The following KANK1 variants were observed in gnomAD, a reference collection of about 807,000 sequenced individuals.
KANK1 encodes the protein KN motif and ankyrin repeat domains 1.
KANK1 carries 109 observed loss-of-function variants against 106.2 expected under a neutral mutation model. The ratio of observed to expected loss-of-function variants is 1.03; its 90% CI spans 0.88 to 1.20. KANK1 has a LOEUF of 1.20. Among genes scored for constraint, KANK1 ranks in the 50% most tolerant of loss-of-function variants. KANK1 has a pLI of 0.00. For synonymous variants in KANK1, 873 were observed against 652.2 expected (o/e 1.34, Z -5.16); for missense variants, 2,399 against 1,710.7 (o/e 1.40, Z -7.10).
intron 1 of KANK1, among the ~76,000 whole-genome samples, chr9:572,458 A>G (rs573279990): frequency 6.8e-4 from 104 of 152,250 alleles, no homozygotes; most frequent in African/African-American, 2.2e-3. Flanking sequence ...AAGCTGAGAC[A>G]GGAGACTGGC....
intron 2 of KANK1, among the ~76,000 whole-genome samples, chr9:704,994 A>T (rs1341948551): frequency 1.3e-4 from 2 of 15,358 alleles, no homozygotes; most frequent in East Asian, 2.0e-3. Context: ...CCCTGTCTCA[A>T]AAAAAAAAAA....
intron 2 of KANK1, among the ~76,000 whole-genome samples, chr9:689,357 C>T (rs990019656): frequency 6.6e-6 from 1 of 152,278 alleles, no homozygotes; most frequent in East Asian, 1.9e-4. Context: ...ATAGCATCGT[C>T]TTCCTAAAGT....
intron 2 of KANK1, chr9:707,231 G>C (rs890685249): frequency 5.1e-6 from 5 of 986,202 alleles, no homozygotes; most frequent in Non-Finnish European, 6.0e-6. Flanking sequence ...GGCGGGGAGC[G>C]CGGCGGGCGC....
chr9:563,927 T>C (rs1817140548), intron 1 of KANK1, among the ~76,000 whole-genome samples: 1 of 152,124 alleles, frequency 6.6e-6, no homozygotes, highest in Non-Finnish European at 1.5e-5. Context: ...CACTGGTGCT[T>C]TTTTTCTTTC....
intron 1 of KANK1, among the ~76,000 whole-genome samples, chr9:602,986 A>G (rs1532310): frequency 0.35 from 53,703 of 151,726 alleles, 11,728 homozygotes; most frequent in South Asian, 0.55. Flanking sequence ...AATCATATTT[A>G]TCCACAGTGA....
intron 3 of KANK1, among the ~76,000 whole-genome samples, chr9:727,214 T>C (rs954471581): frequency 2.0e-5 from 3 of 152,190 alleles, no homozygotes; most frequent in African/African-American, 7.2e-5. Context: ...TGTACATCCT[T>C]AGGATAAAAC....
At chr9:585,510 A>C (rs1823241296) in intron 1 of KANK1, among the ~76,000 whole-genome samples, 1 of 152,212 alleles carries the variant, frequency 6.6e-6, no homozygotes, top group Non-Finnish European at 1.5e-5. Context: ...AAGGCCTATG[A>C]ATTTCAAAAA....
At chr9:502,919 C>T (rs191181175), upstream of KANK1, among the ~76,000 whole-genome samples, 324 of 152,052 alleles carry the variant, frequency 2.1e-3, 3 homozygotes, top group African/African-American at 7.5e-3. Context: ...ACTGCCGCCT[C>T]GACCTCCAGG....
chr9:562,692 C>G (rs1321224646), intron 1 of KANK1, among the ~76,000 whole-genome samples: 2 of 152,180 alleles, frequency 1.3e-5, no homozygotes, highest in African/African-American at 4.8e-5. Context: ...ACTTTCTAAC[C>G]TGTAAAATGC....
At chr9:598,184 G>A (rs1826699029) in intron 1 of KANK1, among the ~76,000 whole-genome samples, 1 of 151,464 alleles carries the variant, frequency 6.6e-6, no homozygotes. Context: ...ATATATGTGA[G>A]ATTTTATTTC....
At chr9:485,739 C>T (rs1259150890) in intron 3 of KANK1, among the ~76,000 whole-genome samples, 4 of 151,854 alleles carry the variant, frequency 2.6e-5, no homozygotes, top group South Asian at 2.1e-4. Context: ...GATGTGGTGG[C>T]GCATGCCTGT....
chr9:724,263 T>C (rs933474087), intron 3 of KANK1, among the ~76,000 whole-genome samples: 2 of 152,206 alleles, frequency 1.3e-5, no homozygotes, highest in African/African-American at 4.8e-5. Context: ...TGATTGAATC[T>C]CTAGCTGTTG....
chr9:477,381 T>A (rs1307475149), intron 3 of KANK1, among the ~76,000 whole-genome samples: 1 of 151,742 alleles, frequency 6.6e-6, no homozygotes, highest in Non-Finnish European at 1.5e-5. Context: ...AATTCAGAGG[T>A]TGGAGATAAA....
chr9:602,808 T>C (rs1828100196), intron 1 of KANK1, among the ~76,000 whole-genome samples: 1 of 151,904 alleles, frequency 6.6e-6, no homozygotes, highest in Non-Finnish European at 1.5e-5. Flanking sequence ...ACTGCGCTTT[T>C]AGTTCTTGCA....
intron 1 of KANK1, among the ~76,000 whole-genome samples, chr9:635,708 T>TC (rs1836958266): frequency 7.1e-6 from 1 of 141,330 alleles, no homozygotes; most frequent in African/African-American, 2.6e-5. Context: ...TTTTTTTTTT[T>TC]TTTTTTTTGA....
chr9:602,254 T>G (rs1453001429), intron 1 of KANK1, among the ~76,000 whole-genome samples: 2 of 151,360 alleles, frequency 1.3e-5, no homozygotes, highest in Admixed American at 1.3e-4. Flanking sequence ...TCCATTTTTA[T>G]TTATTTTATT....
intron 1 of KANK1, among the ~76,000 whole-genome samples, chr9:541,260 C>G (rs2060581549): frequency 6.6e-6 from 1 of 152,054 alleles, no homozygotes; most frequent in African/African-American, 2.4e-5. Flanking sequence ...AATAGAGACC[C>G]CAGAAATAAT....
In KANK1 at chr9:712,419, C is replaced by T. The variant is rs116768515; in HGVS notation, c.1653C>T (p.Cys551=). ...SVETNSVGIS[C]QPECKNKVVG... is the part of the protein sequence containing the mutation. ...AAACAAACAGTGTAGGCATCTCCTG[C>T]CAGCCTGAATGTAAGAATAAAGTCG... The change falls in exon 3 of 12, where the codon TGC becomes TGT. Residue 551 remains cysteine (C), a synonymous_variant. Coordinates refer to ENST00000382297, the MANE Select transcript of KANK1 (RefSeq NM_015158.5). 1 of 1,614,124 alleles carries T rather than the reference C, an allele frequency of 6.2e-7. No homozygotes were observed. The highest frequency in any genetic ancestry group is 8.5e-7 in the Non-Finnish European group (1 of 1,180,040).
rs2059305562 is a variant in KANK1 at position 516,973 on chromosome 9, GT to G, written c.-84+12220del. On this transcript the variant is annotated intron_variant, in intron 1 of 11. Transcript: ENST00000382297. ...TGCCCTGCCAGGTGTGCATCTGAGT[GT>G]GGTTTCTATTCTTCATCACCCTCTA... Among the ~76,000 whole-genome samples, 6 of 138,740 alleles carry G rather than the reference GT, an allele frequency of 4.3e-5. No homozygotes were observed. In the South Asian group the frequency reaches 1.4e-3, roughly 33 times the overall value. 91.0% of individuals were successfully genotyped at this position (138,740 alleles called of 152,430 possible). A position where few individuals can be genotyped will look rare whatever the true frequency, so the allele number is the denominator to read the frequency against.
Sources: gnomAD v4.1 joint callset for allele counts (sites outside exome capture counted in the v4.1 genomes callset) on GRCh38, gnomAD v4.1.1 for gene constraint, MANE v1.5 for transcripts, NCBI Gene and HGNC (gene_info 2026-07-23, HGNC 2026-07-21) for gene names.